Variants in CERS6 observed in about 807,000 individuals in gnomAD.
CERS6 encodes ceramide synthase 6.
A neutral mutation model predicts 56.8 loss-of-function variants in CERS6; 26 were observed. The ratio of observed to expected loss-of-function variants is 0.46; its 90% confidence interval spans 0.34 to 0.63. CERS6 has a LOEUF of 0.63. Among genes scored for constraint, CERS6 ranks in the 30% least tolerant of loss-of-function variants. The probability of loss-of-function intolerance (pLI) is 0.01; values close to 1 mark genes in which losing one functional copy is unlikely to be tolerated. For synonymous variants in CERS6, 164 were observed against 173.3 expected (o/e 0.95, Z 0.42); for missense variants, 415 against 467.5 (o/e 0.89, Z 1.04).
intron 1 of CERS6, among the ~76,000 whole-genome samples, chr2:168,519,161 A>C (rs1157499996): frequency 6.6e-6 from 1 of 152,136 alleles, no homozygotes; most frequent in African/African-American, 2.4e-5. Flanking sequence ...ATATGGGTTA[A>C]TGTTTTGGTG....
intron 4 of CERS6, among the ~76,000 whole-genome samples, chr2:168,679,036 G>A (rs1686142391): frequency 6.6e-6 from 1 of 152,124 alleles, no homozygotes; most frequent in Non-Finnish European, 1.5e-5. Context: ...GTAGAAATAT[G>A]GATGAACCTG....
chr2:168,730,794 C>T (rs1683509310), intron 8 of CERS6, among the ~76,000 whole-genome samples: 1 of 152,172 alleles, frequency 6.6e-6, no homozygotes, highest in African/African-American at 2.4e-5. Flanking sequence ...ATTCTACAGT[C>T]TGCAGCCATG....
Position 168,636,555 on chromosome 2 carries a change from T to C in CERS6, c.465+5513T>C, listed in dbSNP as rs1684863645. ...CTGGGAATTATTTGTGTAAGTCCATTGTCATCCCTTCACATAAAAAATACT... is the reference window on the plus strand; with the variant it reads ...CTGGGAATTATTTGTGTAAGTCCATCGTCATCCCTTCACATAAAAAATACT... On this transcript the variant is annotated intron_variant, in intron 4 of 9. Coordinates refer to ENST00000305747, the MANE Select transcript of CERS6 (RefSeq NM_203463.3). 3.9e-5 allele frequency among the ~76,000 whole-genome samples: 6 copies of C among 152,176 alleles called. No individual in the cohort carries two copies. In the South Asian group the frequency reaches 1.2e-3, roughly 32 times the overall value.
chr2:168,682,861 C>T (rs1446535745), intron 4 of CERS6, among the ~76,000 whole-genome samples: 8 of 152,178 alleles, frequency 5.3e-5, no homozygotes, highest in African/African-American at 1.9e-4. Context: ...TTCTCCAAAG[C>T]AGCTTACATC....
chr2:168,512,465 A>AT (rs1694805549), intron 1 of CERS6, among the ~76,000 whole-genome samples: 2 of 151,358 alleles, frequency 1.3e-5, no homozygotes. Context: ...ATATCCTGAG[A>AT]TTTTTCTTTA....
chr2:168,679,855 A>G (rs1444606407), intron 4 of CERS6, among the ~76,000 whole-genome samples: 1 of 152,206 alleles, frequency 6.6e-6, no homozygotes. Flanking sequence ...GCCTCTTTTC[A>G]CTGATCCACA....
At chr2:168,718,221 T>A (rs1687275397) in intron 8 of CERS6, among the ~76,000 whole-genome samples, 1 of 152,148 alleles carries the variant, frequency 6.6e-6, no homozygotes, top group Admixed American at 6.5e-5. Flanking sequence ...CAGAAAGCCA[T>A]CTGTCATAGA....
At chr2:168,514,788 A>G (rs528841022) in intron 1 of CERS6, among the ~76,000 whole-genome samples, 2 of 152,198 alleles carry the variant, frequency 1.3e-5, no homozygotes, top group South Asian at 4.1e-4. Context: ...TTCTTTGGTG[A>G]AGATAGAGAA....
intron 1 of CERS6, among the ~76,000 whole-genome samples, chr2:168,479,111 G>A (rs4143279): frequency 0.21 from 32,314 of 151,900 alleles, 3,561 homozygotes; most frequent in Non-Finnish European, 0.24. Flanking sequence ...GTGCTACCTC[G>A]ATCATATTCT....
intron 1 of CERS6, among the ~76,000 whole-genome samples, chr2:168,486,523 T>G (rs867621878): frequency 6.8e-6 from 1 of 147,830 alleles, no homozygotes. Flanking sequence ...GATTTGGTTT[T>G]GTTTTTTTTT....
chr2:168,647,317 G>A (rs1685228791), intron 4 of CERS6, among the ~76,000 whole-genome samples: 1 of 151,992 alleles, frequency 6.6e-6, no homozygotes, highest in South Asian at 2.1e-4. Context: ...TTTGGCTCTT[G>A]GCTTGACTGT....
intron 3 of CERS6, among the ~76,000 whole-genome samples, chr2:168,568,693 G>A (rs1345994180): frequency 1.3e-5 from 2 of 152,202 alleles, no homozygotes; most frequent in Non-Finnish European, 2.9e-5. Context: ...GCCTGAAGAC[G>A]GCTGTAGAAA....
chr2:168,489,914 T>C (rs1316223214), intron 1 of CERS6, among the ~76,000 whole-genome samples: 2 of 152,204 alleles, frequency 1.3e-5, no homozygotes, highest in African/African-American at 4.8e-5. Context: ...GGACATTGTG[T>C]ATGTTATGTG....
At chr2:168,686,095 G>C (rs192144463) in intron 4 of CERS6, among the ~76,000 whole-genome samples, 2 of 146,232 alleles carry the variant, frequency 1.4e-5, no homozygotes, top group Admixed American at 1.4e-4. Context: ...TAGATGGCTT[G>C]AGCAACGGAA....
chr2:168,644,919 C>A lies in CERS6; in HGVS notation c.465+13877C>A, dbSNP rs139860976. On this transcript the variant is annotated intron_variant, in intron 4 of 9. Coordinates refer to ENST00000305747, the MANE Select transcript of CERS6 (RefSeq NM_203463.3). ...CCAGCCTGACCAACATGGGGAAACC[C>A]CGTCTCTATTAAAAATACAAAAATT... Among the ~76,000 whole-genome samples, 1,443 of 150,344 alleles carry A rather than the reference C, an allele frequency of 9.6e-3. 16 individuals are homozygous for A. Among genetic ancestry groups the A allele is most frequent in the African/African-American group, 0.029 (1,198 of 40,894 alleles).
At chr2:168,768,004 T>TAGACTTACAGAACTTAC (rs1285732864) in intron 9 of CERS6, among the ~76,000 whole-genome samples, 2 of 152,216 alleles carry the variant, frequency 1.3e-5, no homozygotes, top group Non-Finnish European at 2.9e-5. Flanking sequence ...TACCATAATT[T>TAGACTTACAGAACTTAC]AGACTTACAG....
At chr2:168,557,063 C>T (rs761596626) in intron 2 of CERS6, among the ~76,000 whole-genome samples, 1 of 148,992 alleles carries the variant, frequency 6.7e-6, no homozygotes. Flanking sequence ...ACCTGGAAGG[C>T]TAAGGTGGGA....
chr2:168,615,975 A>T (rs571958790), intron 3 of CERS6, among the ~76,000 whole-genome samples: 1 of 152,350 alleles, frequency 6.6e-6, no homozygotes, highest in East Asian at 1.9e-4. Flanking sequence ...AGGCAAAAGC[A>T]CCAGGTAACC....
chr2:168,644,793 G>A (rs1250348554), intron 4 of CERS6, among the ~76,000 whole-genome samples: 2 of 151,888 alleles, frequency 1.3e-5, no homozygotes, highest in African/African-American at 2.4e-5. Flanking sequence ...TGTTCTCAAC[G>A]TATTAAAAGT....
Sources: gnomAD v4.1 joint callset for allele counts (sites outside exome capture counted in the v4.1 genomes callset) on GRCh38, gnomAD v4.1.1 for gene constraint, MANE v1.5 for transcripts, NCBI Gene and HGNC (gene_info 2026-07-23, HGNC 2026-07-21) for gene names.